RNF216: variants seen among roughly 807,000 people sequenced by gnomAD.
The protein encoded by RNF216 is E3 ubiquitin-protein ligase RNF216.
Under a neutral mutation model 110.8 loss-of-function variants are expected in RNF216, and 72 were observed. That is an observed-to-expected ratio of 0.65 (90% CI 0.54 to 0.79). The LOEUF is 0.79. Ranked by LOEUF, RNF216 falls within the 30% of genes least tolerant of loss-of-function variation. The pLI, the probability that RNF216 is intolerant of heterozygous loss-of-function variation, is 0.00. For missense variants in RNF216, 1,342 were observed against 1,141.2 expected (o/e 1.18, Z -2.54); for synonymous variants, 495 against 407.5 (o/e 1.21, Z -2.59).
At chr7:5,711,617 T>C in intron 13 of RNF216, 144 bp downstream of exon 13, 1 of 684,264 alleles carries the variant, frequency 1.5e-6, no homozygotes. Context: ...CACAAAGTAC[T>C]CGTCCTCATT....
At chr7:5,776,456 G>A (rs1353199276) in intron 1 of RNF216, among the ~76,000 whole-genome samples, 9 of 151,590 alleles carry the variant, frequency 5.9e-5, no homozygotes, top group South Asian at 4.2e-4. Context: ...TTAGCCAGGC[G>A]TGGTGGCGGG....
chr7:5,701,451 C>T, intron 13 of RNF216, among the ~76,000 whole-genome samples: 1 of 152,208 alleles, frequency 6.6e-6, no homozygotes, highest in Non-Finnish European at 1.5e-5. Context: ...TCTGCACACA[C>T]CATCCTCACT....
intron 4 of RNF216, chr7:5,739,560 C>G (rs747875851): frequency 5.4e-5 from 35 of 642,922 alleles, no homozygotes; most frequent in Non-Finnish European, 9.9e-5. Context: ...CTTGAGAGAT[C>G]TGGTTCTCTG....
chr7:5,659,656 C>A (rs924634784), intron 13 of RNF216, among the ~76,000 whole-genome samples: 10 of 152,200 alleles, frequency 6.6e-5, no homozygotes, highest in Admixed American at 1.3e-4. Context: ...CCTTGCAGCA[C>A]CCCCTTTCTA....
At position 5,641,182 on chromosome 7, in the gene RNF216, G is replaced by A. The variant is rs1787710710; in HGVS notation, c.2354C>T (p.Ser785Leu). 1.9e-6 allele frequency: 3 copies of A among 1,614,004 alleles called. No individual in the cohort carries two copies. Among genetic ancestry groups the A allele is most frequent in the Non-Finnish European group, 2.5e-6 (3 of 1,180,006 alleles). ...RSPGAPCQECSRCSLWTDPTE... is the reference protein window; with the variant it reads ...RSPGAPCQECLRCSLWTDPTE... Reference sequence around the variant, plus strand: ...GGGATCGGTCCAGAGAGAGCATCTTGAACACTCCTGGCAAGGGGCTCCTGG... The same window carrying A: ...GGGATCGGTCCAGAGAGAGCATCTTAAACACTCCTGGCAAGGGGCTCCTGG... Residue 785 changes from serine (S) to leucine (L), a missense_variant, in exon 15 of 17, where the codon TCA becomes TTA. Ser to Leu is a moderately radical substitution (Grantham distance 145). Coordinates refer to ENST00000389902, the MANE Select transcript of RNF216 (RefSeq NM_207111.4).
At chr7:5,662,977 C>A (rs778547772) in intron 13 of RNF216, among the ~76,000 whole-genome samples, 3 of 152,136 alleles carry the variant, frequency 2.0e-5, no homozygotes, top group Non-Finnish European at 2.9e-5. Context: ...ACCCACACCC[C>A]CTATGCCCTC....
At chr7:5,735,598 C>G (rs944155900) in intron 5 of RNF216, among the ~76,000 whole-genome samples, 1 of 152,126 alleles carries the variant, frequency 6.6e-6, no homozygotes, top group Non-Finnish European at 1.5e-5. Flanking sequence ...GCTAAAAGAA[C>G]ACCCCTGAAG....
chr7:5,779,271 G>A (rs535927418), intron 1 of RNF216, among the ~76,000 whole-genome samples: 4 of 152,010 alleles, frequency 2.6e-5, no homozygotes, highest in African/African-American at 7.2e-5. Context: ...TCTCCACAGG[G>A]GCTTCAGGAG....
chr7:5,641,192 G>A lies in RNF216; in HGVS notation c.2344C>T (p.Gln782Ter). 6.2e-7 allele frequency: 1 copy of A among 1,614,138 alleles called. No homozygotes were observed. The highest frequency in any genetic ancestry group is 1.1e-5 in the South Asian group (1 of 91,078). Reference protein sequence around the residue: ...QHPRSPGAPCQECSRCSLWTD... With the variant: ...QHPRSPGAPC The stretch of plus-strand genomic sequence containing the variant: ...CAGAGAGAGCATCTTGAACACTCCT[G>A]GCAAGGGGCTCCTGGTGAGCGGGGA... Residue 782 changes from glutamine to a stop codon, truncating the protein, a stop_gained, in exon 15 of 17, where the codon CAG becomes TAG. Coordinates refer to ENST00000389902, the MANE Select transcript of RNF216 (RefSeq NM_207111.4). LOFTEE classifies it high-confidence loss of function.
At chr7:5,686,215 C>T (rs1790974794) in intron 13 of RNF216, among the ~76,000 whole-genome samples, 2 of 137,644 alleles carry the variant, frequency 1.5e-5, no homozygotes, top group Admixed American at 1.5e-4. Context: ...CAGAGTATGA[C>T]TCTGTTATTA....
intron 13 of RNF216, among the ~76,000 whole-genome samples, chr7:5,693,058 A>G (rs1193703789): frequency 6.6e-6 from 1 of 152,222 alleles, no homozygotes; most frequent in Admixed American, 6.5e-5. Context: ...TCTTGGAGAC[A>G]GCTCCATATT....
At chr7:5,747,776 G>GAAAAAAAAAAAAAAAA (rs1795110181) in intron 3 of RNF216, among the ~76,000 whole-genome samples, 1 of 25,096 alleles carries the variant, frequency 4.0e-5, no homozygotes, top group African/African-American at 1.5e-4. Flanking sequence ...AAAAAAAAAA[G>GAAAAAAAAAAAAAAAA]GGGAAAAAAA....
intron 13 of RNF216, among the ~76,000 whole-genome samples, chr7:5,674,049 C>T (rs1165326125): frequency 2.0e-5 from 3 of 148,322 alleles, no homozygotes; most frequent in South Asian, 2.1e-4. Flanking sequence ...TTTTTTTTTA[C>T]GACGGAGTCT....
intron 3 of RNF216, among the ~76,000 whole-genome samples, chr7:5,742,719 C>G (rs1794832228): frequency 6.6e-6 from 1 of 151,420 alleles, no homozygotes; most frequent in Non-Finnish European, 1.5e-5. Context: ...CCACAGCCTC[C>G]CGAGTAGCTG....
chr7:5,647,614 G>A (rs1323422020), intron 14 of RNF216, among the ~76,000 whole-genome samples: 1 of 152,000 alleles, frequency 6.6e-6, no homozygotes, highest in Non-Finnish European at 1.5e-5. Flanking sequence ...GATTACCGGT[G>A]TGGCAGCCAT....
At chr7:5,629,068 G>A (rs1214559000) in intron 15 of RNF216, among the ~76,000 whole-genome samples, 6 of 151,764 alleles carry the variant, frequency 4.0e-5, no homozygotes, top group Non-Finnish European at 5.9e-5. Flanking sequence ...GTGTGGTGGC[G>A]TGTGCCTGTA....
At chr7:5,755,977 G>C (rs913266964) in intron 2 of RNF216, among the ~76,000 whole-genome samples, 2 of 44,542 alleles carry the variant, frequency 4.5e-5, no homozygotes, top group Non-Finnish European at 1.8e-4. Context: ...ACTGTCTATA[G>C]ATTGATATGG....
chr7:5,670,373 G>A (rs1473021046), intron 13 of RNF216, among the ~76,000 whole-genome samples: 1 of 152,176 alleles, frequency 6.6e-6, no homozygotes, highest in African/African-American at 2.4e-5. Flanking sequence ...GTGATAGTGG[G>A]CTCCTCTGAT....
intron 15 of RNF216, among the ~76,000 whole-genome samples, chr7:5,629,153 C>A (rs1214258577): frequency 6.6e-6 from 1 of 150,858 alleles, no homozygotes; most frequent in Non-Finnish European, 1.5e-5. Flanking sequence ...AGAGATGGCG[C>A]CACTGCACTC....
Sources: gnomAD v4.1 joint callset for allele counts (sites outside exome capture counted in the v4.1 genomes callset) on GRCh38, gnomAD v4.1.1 for gene constraint, MANE v1.5 for transcripts, NCBI Gene and HGNC (gene_info 2026-07-23, HGNC 2026-07-21) for gene names.